The following DACH2 variants were observed in gnomAD, a reference collection of about 807,000 sequenced individuals.
DACH2 encodes dachshund family transcription factor 2.
Under a neutral mutation model 35.8 loss-of-function variants are expected in DACH2, and 17 were observed. The observed-to-expected ratio is 0.48, with a 90% CI of 0.33 to 0.71. The LOEUF is 0.71. Ranked by LOEUF, DACH2 falls within the 30% of genes least tolerant of loss-of-function variation. DACH2 has a pLI of 0.02. For synonymous variants in DACH2, 195 were observed against 177.3 expected (o/e 1.10, Z -0.79); for missense variants, 469 against 472.7 (o/e 0.99, Z 0.07).
intron 1 of DACH2, among the ~76,000 whole-genome samples, chrX:86,199,215 G>A (rs965959353): frequency 9.0e-6 from 1 of 111,197 alleles, no homozygotes; most frequent in Non-Finnish European, 1.9e-5. Context: ...AATTTCGGCA[G>A]CACTTCATGT....
At chrX:86,455,728 T>C (rs1209510435) in intron 2 of DACH2, among the ~76,000 whole-genome samples, 1 of 112,454 alleles carries the variant, frequency 8.9e-6, no homozygotes, top group African/African-American at 3.2e-5. Flanking sequence ...GACTCCAGCC[T>C]GCTGCCACTG....
chrX:86,231,548 G>A (rs546066865), intron 1 of DACH2, among the ~76,000 whole-genome samples: 49 of 111,213 alleles, frequency 4.4e-4, no homozygotes, highest in South Asian at 1.2e-3. Flanking sequence ...GGTTGTCAGG[G>A]AAGTGGAGAA....
intron 2 of DACH2, among the ~76,000 whole-genome samples, chrX:86,396,233 T>A (rs1277524849): frequency 1.9e-5 from 2 of 107,981 alleles, no homozygotes; most frequent in African/African-American, 6.8e-5. Context: ...TTTGATGGGG[T>A]TGTTTGTTTT....
chrX:86,450,878 G>T (rs975123764), intron 2 of DACH2, among the ~76,000 whole-genome samples: 3 of 111,078 alleles, frequency 2.7e-5, no homozygotes, highest in African/African-American at 9.8e-5. Context: ...TCTTTGATAA[G>T]TGTCTTTTCA....
At chrX:86,468,582 A>T (rs1056680757) in intron 2 of DACH2, among the ~76,000 whole-genome samples, 1 of 111,961 alleles carries the variant, frequency 8.9e-6, no homozygotes, top group African/African-American at 3.2e-5. Context: ...TGCTAAAGAT[A>T]TAAACTCACT....
At chrX:86,647,517 TGAG>T (rs1254201159) in intron 3 of DACH2, among the ~76,000 whole-genome samples, 1 of 110,728 alleles carries the variant, frequency 9.0e-6, no homozygotes, top group Admixed American at 9.7e-5. Flanking sequence ...TGTCGTGCAC[TGAG>T]GAGAAGAGGA....
chrX:86,204,168 G>A, intron 1 of DACH2, among the ~76,000 whole-genome samples: 1 of 111,915 alleles, frequency 8.9e-6, no homozygotes, highest in Middle Eastern at 4.7e-3. Flanking sequence ...ATATCTTGCA[G>A]CAAAATATAA....
chrX:86,646,089 T>C (rs1426036274), intron 3 of DACH2, among the ~76,000 whole-genome samples: 1 of 111,546 alleles, frequency 9.0e-6, no homozygotes, highest in African/African-American at 3.2e-5. Context: ...GATTTACACA[T>C]ACAACATGGG....
At chrX:86,203,311 C>A (rs1046506216) in intron 1 of DACH2, among the ~76,000 whole-genome samples, 5 of 110,924 alleles carry the variant, frequency 4.5e-5, no homozygotes, top group Non-Finnish European at 9.5e-5. Context: ...TTAGATAATT[C>A]TCAAAAAAGG....
intron 7 of DACH2, among the ~76,000 whole-genome samples, chrX:86,796,996 A>G (rs890109560): frequency 1.8e-5 from 2 of 111,693 alleles, no homozygotes; most frequent in African/African-American, 3.3e-5. Context: ...ATATAGAACA[A>G]CTATAACAAT....
chrX:86,372,464 A>G (rs1256491028), intron 1 of DACH2, among the ~76,000 whole-genome samples: 1 of 110,696 alleles, frequency 9.0e-6, no homozygotes, highest in Non-Finnish European at 1.9e-5. Flanking sequence ...CTTGGAAATA[A>G]CATAAATTCA....
intron 1 of DACH2, among the ~76,000 whole-genome samples, chrX:86,165,497 G>A (rs997607803): frequency 1.2e-3 from 132 of 110,747 alleles, no homozygotes; most frequent in African/African-American, 4.2e-3. Flanking sequence ...ATTTATTATT[G>A]CCTGTCCTTT....
At chrX:86,541,364 C>T (rs1056020667) in intron 3 of DACH2, among the ~76,000 whole-genome samples, 3 of 110,854 alleles carry the variant, frequency 2.7e-5, no homozygotes, top group African/African-American at 9.8e-5. Context: ...ATTTTATTTT[C>T]TCTCACCCCT....
chrX:86,683,091 T>C (rs1201296244), intron 4 of DACH2, among the ~76,000 whole-genome samples: 1 of 111,598 alleles, frequency 9.0e-6, no homozygotes, highest in Non-Finnish European at 1.9e-5. Flanking sequence ...CCTAAATTCT[T>C]TCTTTTTTGT....
rs190414363 is a variant in DACH2, at chrX:86,413,241, G to T, written c.527+36379G>T. ...ATATAATGGACCAGTGTGATATTTT[G>T]CAGAAGGAAAAAGCAATAGAAGTCT... On this transcript the variant is annotated intron_variant, in intron 2 of 11. Coordinates refer to ENST00000373125, the MANE Select transcript of DACH2 (RefSeq NM_053281.3). Among the ~76,000 whole-genome samples, 445 of 112,143 alleles carry T rather than the reference G, an allele frequency of 4.0e-3. 3 individuals carry two copies. The highest frequency in any genetic ancestry group is 0.014 in the African/African-American group (420 of 30,873).
intron 2 of DACH2, among the ~76,000 whole-genome samples, chrX:86,417,111 A>AG (rs1166130469): frequency 9.5e-6 from 1 of 104,755 alleles, no homozygotes; most frequent in African/African-American, 3.5e-5. Flanking sequence ...AAAAAAAAAA[A>AG]AAAAGAAACC....
intron 2 of DACH2, among the ~76,000 whole-genome samples, chrX:86,428,225 C>T (rs1166871240): frequency 9.0e-6 from 1 of 111,492 alleles, no homozygotes; most frequent in Non-Finnish European, 1.9e-5. Context: ...TGTGAACATG[C>T]TGTATGATAT....
At chrX:86,179,571 A>G (rs2031409296) in intron 1 of DACH2, among the ~76,000 whole-genome samples, 1 of 112,045 alleles carries the variant, frequency 8.9e-6, no homozygotes, top group African/African-American at 3.2e-5. Flanking sequence ...CATATACCTG[A>G]CACATGTCAT....
At chrX:86,344,341 TATAC>T (rs1226962964) in intron 1 of DACH2, among the ~76,000 whole-genome samples, 1,562 of 92,642 alleles carry the variant, frequency 0.017, 29 homozygotes, top group African/African-American at 0.058. Flanking sequence ...TATATATATA[TATAC>T]ACACACACAC....
Sources: gnomAD v4.1 joint callset for allele counts (sites outside exome capture counted in the v4.1 genomes callset) on GRCh38, gnomAD v4.1.1 for gene constraint, MANE v1.5 for transcripts, NCBI Gene and HGNC (gene_info 2026-07-23, HGNC 2026-07-21) for gene names.